Variants in SYNPO2 observed in about 807,000 individuals in gnomAD.
SYNPO2 encodes synaptopodin-2.
Under a neutral mutation model 85.0 loss-of-function variants are expected in SYNPO2, and 56 were observed. The ratio of observed to expected loss-of-function variants is 0.66; its 90% CI spans 0.53 to 0.82. The LOEUF is 0.82. SYNPO2 is among the 40% of genes least tolerant of loss of function. The probability of loss-of-function intolerance (pLI) is 0.00; values close to 1 mark genes in which losing one functional copy is unlikely to be tolerated. For missense variants in SYNPO2, 1,575 were observed against 1,534.2 expected, an observed-to-expected ratio of 1.03 and a Z score of -0.44; for synonymous variants, 602 against 591.1, an observed-to-expected ratio of 1.02 and a Z score of -0.27.
At position 119,057,548 on chromosome 4, in the gene SYNPO2, G is replaced by A. The variant is rs137992021; in HGVS notation, c.3400G>A (p.Ala1134Thr). Residue 1134 changes from alanine (A) to threonine (T), a missense_variant, in exon 5 of 5, where the codon GCA (alanine) becomes ACA (threonine). This residue lies in a region of SYNPO2 where 1,508 missense variants were observed against 1,446.8 expected (regional missense o/e 1.04). Coordinates refer to ENST00000307142, the MANE Select transcript of SYNPO2 (RefSeq NM_133477.3). The stretch of plus-strand genomic sequence containing the variant: ...AAACAAGAGACCAACTCCTTGGGAA[G>A]CAGCAGCAAAGTCTCCTCTCGGTCT... Reference protein sequence around the residue: ...KANKRPTPWEAAAKSPLGLVD... With the variant: ...KANKRPTPWETAAKSPLGLVD... The A allele has an allele frequency of 8.1e-4, 1,307 of 1,614,052 alleles. 6 individuals are homozygous for A. In the African/African-American group the frequency reaches 0.015, roughly 18 times the overall value.
chr4:119,018,361 G>T (rs1737596718), intron 1 of SYNPO2, among the ~76,000 whole-genome samples: 1 of 152,068 alleles, frequency 6.6e-6, no homozygotes, highest in Non-Finnish European at 1.5e-5. Flanking sequence ...GGACACTTGG[G>T]TTGATTCCAT....
upstream of SYNPO2, among the ~76,000 whole-genome samples, chr4:118,884,473 T>C (rs11933876): frequency 0.027 from 4,048 of 152,304 alleles, 71 homozygotes; most frequent in African/African-American, 0.044. Context: ...TGATTTTGGC[T>C]CAGGTTTTGT....
intron 1 of SYNPO2, among the ~76,000 whole-genome samples, chr4:118,986,372 A>T (rs1325879628): frequency 6.6e-6 from 1 of 152,246 alleles, no homozygotes; most frequent in African/African-American, 2.4e-5. Flanking sequence ...TATGAGCCAG[A>T]GATAGTAAAA....
At position 118,925,613 on chromosome 4, in the gene SYNPO2, C is replaced by T. The variant is rs1733687848; in HGVS notation, c.105+36472C>T. On this transcript the variant is annotated intron_variant, in intron 1 of 4. Transcript: ENST00000307142. ...GAGCTCTGCAGCTTTTCCAGAACAA[C>T]ATTCATTACCTTTAGACTTATTAAA... 3.3e-5 allele frequency among the ~76,000 whole-genome samples: 5 copies of T among 152,276 alleles called. No individual in the cohort carries two copies. The South Asian group carries it at 8.3e-4, about 25-fold the overall frequency.
chr4:118,859,180 C>A (rs1448011542), intron 1 of SYNPO2, among the ~76,000 whole-genome samples: 2 of 152,234 alleles, frequency 1.3e-5, no homozygotes, highest in Non-Finnish European at 2.9e-5. Context: ...TTCCATACAT[C>A]CTTTGTGTCG....
At chr4:118,854,624 A>G (rs1731475432) in intron 1 of SYNPO2, among the ~76,000 whole-genome samples, 3 of 152,200 alleles carry the variant, frequency 2.0e-5, no homozygotes. Flanking sequence ...TAAAATCAAT[A>G]CGAATTTTAG....
At chr4:118,938,042 C>G (rs544825512) in intron 1 of SYNPO2, among the ~76,000 whole-genome samples, 100 of 152,238 alleles carry the variant, frequency 6.6e-4, no homozygotes, top group Non-Finnish European at 1.2e-3. Context: ...GTGGCTCACA[C>G]CTGTAATCCT....
intron 1 of SYNPO2, among the ~76,000 whole-genome samples, chr4:118,861,573 T>G (rs550874028): frequency 6.6e-6 from 1 of 152,300 alleles, no homozygotes; most frequent in South Asian, 2.1e-4. Context: ...ATATCCAGTT[T>G]CCCCAGCACC....
At chr4:118,908,086 G>A (rs1317256442) in intron 1 of SYNPO2, among the ~76,000 whole-genome samples, 1 of 152,092 alleles carries the variant, frequency 6.6e-6, no homozygotes, top group African/African-American at 2.4e-5. Context: ...GTGTTGAGAT[G>A]AATACTTTTG....
intron 1 of SYNPO2, among the ~76,000 whole-genome samples, chr4:118,901,168 T>A (rs1038763855): frequency 5.9e-5 from 9 of 152,218 alleles, no homozygotes; most frequent in Non-Finnish European, 1.0e-4. Flanking sequence ...TTAGCCACTT[T>A]TAATTTGTAC....
At chr4:119,008,284 A>G (rs1205680873) in intron 1 of SYNPO2, among the ~76,000 whole-genome samples, 4 of 152,156 alleles carry the variant, frequency 2.6e-5, no homozygotes, top group Admixed American at 1.3e-4. Flanking sequence ...TCCAATTGCC[A>G]GTTCTTCCTG....
chr4:119,046,872 A>G (rs1055059549), intron 4 of SYNPO2, among the ~76,000 whole-genome samples: 1 of 152,166 alleles, frequency 6.6e-6, no homozygotes, highest in African/African-American at 2.4e-5. Context: ...TCACAAACAG[A>G]TTTCCTAGAA....
chr4:118,874,047 G>A (rs563709635), intron 1 of SYNPO2, among the ~76,000 whole-genome samples: 1 of 152,124 alleles, frequency 6.6e-6, no homozygotes, highest in East Asian at 1.9e-4. Context: ...TTTATTTCTG[G>A]GTTCTCCATT....
intron 1 of SYNPO2, among the ~76,000 whole-genome samples, chr4:118,872,730 C>T (rs1390470446): frequency 1.3e-5 from 2 of 152,140 alleles, no homozygotes; most frequent in African/African-American, 4.8e-5. Context: ...TTCCTTCCTT[C>T]ATGAGATCCA....
chr4:118,907,405 A>G (rs1215592770), intron 1 of SYNPO2, among the ~76,000 whole-genome samples: 1 of 152,234 alleles, frequency 6.6e-6, no homozygotes, highest in African/African-American at 2.4e-5. Flanking sequence ...TTCCATTATT[A>G]AAACTGCTAC....
chr4:118,967,561 G>C (rs974065770), intron 1 of SYNPO2, among the ~76,000 whole-genome samples: 12 of 152,168 alleles, frequency 7.9e-5, no homozygotes, highest in Non-Finnish European at 1.5e-4. Context: ...AGCTTCTTTG[G>C]CCAACTCAAC....
At chr4:118,894,497 G>T (rs1326797104) in intron 1 of SYNPO2, among the ~76,000 whole-genome samples, 2 of 151,872 alleles carry the variant, frequency 1.3e-5, no homozygotes, top group Admixed American at 6.6e-5. Context: ...CCGTGGACTT[G>T]CTAGCCTGCC....
In SYNPO2 at chr4:119,030,457, T is replaced by G. The variant is rs1462538546; in HGVS notation, c.1682T>G (p.Leu561Arg). Residue 561 changes from leucine (L) to arginine (R), a missense_variant, in exon 4 of 5, where the codon CTT (leucine) becomes CGT (arginine). Physicochemically the swap from Leu to Arg is moderately radical, Grantham distance 102 (BLOSUM62 -2). Coordinates refer to ENST00000307142, the MANE Select transcript of SYNPO2 (RefSeq NM_133477.3). ...AGCTACATCGAGGTGAGTCATGGTC[T>G]TGGCCATGTTCCCCAACAGAATGGC... ...SKSYIEVSHG[L>R]GHVPQQNGFS... The G allele has an allele frequency of 1.2e-6, 2 of 1,614,066 alleles. No individual in the cohort carries two copies. The highest frequency in any genetic ancestry group is 1.7e-6 in the Non-Finnish European group (2 of 1,180,048).
intron 1 of SYNPO2, among the ~76,000 whole-genome samples, chr4:118,985,675 A>G (rs186718913): frequency 3.3e-5 from 5 of 152,346 alleles, no homozygotes; most frequent in Admixed American, 3.3e-4. Context: ...CAAGTGTTTA[A>G]TCAATGCCAA....
Sources: allele counts gnomAD v4.1 joint callset (sites outside exome capture counted in the v4.1 genomes callset), GRCh38; gene constraint gnomAD v4.1.1; regional missense constraint gnomAD v4.1.1; transcripts MANE v1.5; gene names NCBI Gene and HGNC (gene_info 2026-07-23, HGNC 2026-07-21).